Variants in FGF12 observed in about 807,000 individuals in gnomAD.
FGF12 encodes the protein fibroblast growth factor 12B.
Under a neutral mutation model 23.6 loss-of-function variants are expected in FGF12, and 14 were observed. That is an observed-to-expected ratio of 0.59 (90% CI 0.39 to 0.93). The LOEUF is 0.93. Among genes scored for constraint, FGF12 ranks in the 40% least tolerant of loss-of-function variants. The pLI is 0.00. For missense variants in FGF12, 175 were observed against 217.8 expected, an observed-to-expected ratio of 0.80 and a Z score of 1.24; for synonymous variants, 62 against 77.3, an observed-to-expected ratio of 0.80 and a Z score of 1.04.
intron 3 of FGF12, among the ~76,000 whole-genome samples, chr3:192,351,588 A>G (rs894297763): frequency 1.3e-5 from 2 of 152,206 alleles, no homozygotes; most frequent in Non-Finnish European, 2.9e-5. Context: ...TTGCTTACAT[A>G]CAATCATTCC....
At chr3:192,158,281 C>G (rs1206284476) in intron 5 of FGF12, among the ~76,000 whole-genome samples, 1 of 151,972 alleles carries the variant, frequency 6.6e-6, no homozygotes, top group Non-Finnish European at 1.5e-5. Flanking sequence ...CCTCCACAGA[C>G]TCAGGAAATA....
chr3:192,250,877 C>T (rs1048098140), intron 4 of FGF12, among the ~76,000 whole-genome samples: 1 of 152,010 alleles, frequency 6.6e-6, no homozygotes, highest in African/African-American at 2.4e-5. Flanking sequence ...TAAATTCATA[C>T]AAGCCAAAGA....
intron 2 of FGF12, among the ~76,000 whole-genome samples, chr3:192,581,626 C>T (rs1180215132): frequency 6.6e-6 from 1 of 151,796 alleles, no homozygotes; most frequent in Non-Finnish European, 1.5e-5. Context: ...TCTTTCCTTC[C>T]ATTGAAATAT....
chr3:192,417,787 A>G (rs1721401270), intron 2 of FGF12, among the ~76,000 whole-genome samples: 1 of 152,042 alleles, frequency 6.6e-6, no homozygotes. Flanking sequence ...ATAAAACCCT[A>G]AGGTAAACCC....
At chr3:192,168,698 C>CTGA (rs1319256104) in intron 5 of FGF12, among the ~76,000 whole-genome samples, 3 of 152,142 alleles carry the variant, frequency 2.0e-5, no homozygotes, top group Non-Finnish European at 4.4e-5. Context: ...TTTCAGACAA[C>CTGA]TGATTATCAA....
At chr3:192,400,997 T>C (rs565192069) in intron 2 of FGF12, among the ~76,000 whole-genome samples, 22 of 152,330 alleles carry the variant, frequency 1.4e-4, no homozygotes, top group African/African-American at 5.3e-4. Flanking sequence ...CCGAAGAGCT[T>C]TGTGCTTATG....
At chr3:192,158,395 CT>C (rs1560171581) in intron 5 of FGF12, among the ~76,000 whole-genome samples, 22 of 72,848 alleles carry the variant, frequency 3.0e-4, no homozygotes, top group African/African-American at 1.6e-3. Context: ...TTCTTTCTCT[CT>C]CTTTCTTTTT....
chr3:192,531,165 T>C (rs1390477679), intron 2 of FGF12, among the ~76,000 whole-genome samples: 2 of 152,232 alleles, frequency 1.3e-5, no homozygotes, highest in African/African-American at 4.8e-5. Context: ...CAAGATAGTT[T>C]ACAGCTACAC....
At chr3:192,714,086 C>A (rs561634024) in intron 2 of FGF12, among the ~76,000 whole-genome samples, 162 of 151,890 alleles carry the variant, frequency 1.1e-3, no homozygotes, top group Non-Finnish European at 1.7e-3. Context: ...TTATTATATG[C>A]CAGGTAGTGT....
chr3:192,553,662 A>G (rs1346099847), intron 2 of FGF12, among the ~76,000 whole-genome samples: 5 of 152,170 alleles, frequency 3.3e-5, no homozygotes, highest in African/African-American at 7.2e-5. Flanking sequence ...GAAACCAGTA[A>G]GAAAATTCGT....
rs116563872 is a variant in FGF12, at chr3:192,629,156, C to T, written c.13+98025G>A. On this transcript the variant is annotated intron_variant, in intron 2 of 5. Transcript: ENST00000445105. The stretch of plus-strand genomic sequence containing the variant: ...TGTAAATTATTTATCTTCTGAAAGA[C>T]AAAGAATTAATTTGCTTAATGAGTA... 8.4e-3 allele frequency among the ~76,000 whole-genome samples: 1,284 copies of T among 152,230 alleles called. 20 individuals are homozygous for T. The highest frequency in any genetic ancestry group is 0.03 in the African/African-American group (1,250 of 41,536).
At chr3:192,492,866 A>C (rs934423496) in intron 2 of FGF12, among the ~76,000 whole-genome samples, 1 of 151,982 alleles carries the variant, frequency 6.6e-6, no homozygotes, top group East Asian at 1.9e-4. Flanking sequence ...TTTCCAATTT[A>C]TACACAGGAT....
intron 2 of FGF12, among the ~76,000 whole-genome samples, chr3:192,698,854 A>ACTGGT (rs1443020502): frequency 6.6e-6 from 1 of 152,186 alleles, no homozygotes; most frequent in Non-Finnish European, 1.5e-5. Context: ...GAAACCACAA[A>ACTGGT]ATACCAGTGA....
At chr3:192,155,267 C>A (rs774152219) in intron 5 of FGF12, among the ~76,000 whole-genome samples, 1 of 152,164 alleles carries the variant, frequency 6.6e-6, no homozygotes, top group Admixed American at 6.5e-5. Context: ...CAGAAATCAC[C>A]GGTCTTCTGC....
intron 2 of FGF12, among the ~76,000 whole-genome samples, chr3:192,467,177 C>A (rs1167742048): frequency 6.6e-6 from 1 of 152,136 alleles, no homozygotes; most frequent in Non-Finnish European, 1.5e-5. Context: ...GTATTCGAAT[C>A]TTTTTCCTAT....
chr3:192,273,961 G>A (rs974388327), intron 4 of FGF12, among the ~76,000 whole-genome samples: 4 of 150,946 alleles, frequency 2.6e-5, no homozygotes, highest in South Asian at 2.1e-4. Flanking sequence ...CATCAGCATC[G>A]TAATGACTGA....
Position 192,662,726 on chromosome 3 carries a change from T to C in FGF12, c.13+64455A>G, listed in dbSNP as rs557660958. Among the ~76,000 whole-genome samples the C allele has an allele frequency of 9.8e-5, 15 of 152,376 alleles. No individual in the cohort carries two copies. In the East Asian group the frequency reaches 2.9e-3, roughly 29 times the overall value. ...TCACTATCAATAAGGACCCAGCCTT[T>C]ATGCTAAGTCTTTTTCTACCAACAT... On this transcript the variant is annotated intron_variant, in intron 2 of 5. Transcript: ENST00000445105.
At chr3:192,637,270 C>T (rs1297182703) in intron 2 of FGF12, among the ~76,000 whole-genome samples, 2 of 152,178 alleles carry the variant, frequency 1.3e-5, no homozygotes, top group Non-Finnish European at 2.9e-5. Context: ...CCTCTGGCCA[C>T]CGACGTGCAG....
intron 2 of FGF12, among the ~76,000 whole-genome samples, chr3:192,618,861 A>G (rs1714863634): frequency 6.6e-6 from 1 of 152,054 alleles, no homozygotes; most frequent in Non-Finnish European, 1.5e-5. Context: ...AATCCCTACT[A>G]AGTGAGAAAC....
Sources: allele counts gnomAD v4.1 joint callset (sites outside exome capture counted in the v4.1 genomes callset), GRCh38; gene constraint gnomAD v4.1.1; transcripts MANE v1.5; gene names NCBI Gene and HGNC (gene_info 2026-07-23, HGNC 2026-07-21).